HSD17B12: variants seen among roughly 807,000 people sequenced by gnomAD.
HSD17B12 encodes the protein hydroxysteroid 17-beta dehydrogenase 12.
In HSD17B12, 32 loss-of-function variants were observed where a neutral mutation model predicts 39.3. The ratio of observed to expected loss-of-function variants is 0.81; its 90% CI spans 0.61 to 1.09. The LOEUF (loss-of-function observed/expected upper bound fraction) is 1.09, where lower values mean the gene tolerates loss of function less well. Ranked by LOEUF, HSD17B12 falls within the 50% of genes least tolerant of loss-of-function variation. The pLI is 0.00. For missense variants in HSD17B12, 342 were observed against 382.9 expected, an observed-to-expected ratio of 0.89 and a Z score of 0.89; for synonymous variants, 150 against 146.7, an observed-to-expected ratio of 1.02 and a Z score of -0.16.
At chr11:43,661,552 C>T in the HSD17B12 span, among the ~76,000 whole-genome samples, 2 of 152,106 alleles carry the variant, frequency 1.3e-5, no homozygotes, top group Non-Finnish European at 2.9e-5. Context: ...GTGGTTCACT[C>T]CTGTAATCCC....
At chr11:43,706,720 GTTGT>G (rs1950019090) in intron 1 of HSD17B12, among the ~76,000 whole-genome samples, 2 of 149,728 alleles carry the variant, frequency 1.3e-5, no homozygotes, top group African/African-American at 5.0e-5. Flanking sequence ...GTGTGTGTGT[GTTGT>G]GGGGGGTGGG....
At position 43,687,198 on chromosome 11, in the gene HSD17B12, C is replaced by T. The variant is rs1423505191; in HGVS notation, c.160+6211C>T. 4.6e-5 allele frequency among the ~76,000 whole-genome samples: 7 copies of T among 152,230 alleles called. No individual in the cohort carries two copies. In the East Asian group the frequency reaches 1.4e-3, roughly 29 times the overall value. On this transcript the variant is annotated intron_variant, in intron 1 of 10. Transcript: ENST00000278353. The stretch of plus-strand genomic sequence containing the variant: ...TCCCTTCTTGTCACTCTTAGCAAAA[C>T]AACATGTAGCAATTCATATGCATGT...
chr11:43,575,220 T>C, the HSD17B12 span, among the ~76,000 whole-genome samples: 2 of 152,198 alleles, frequency 1.3e-5, no homozygotes, highest in African/African-American at 2.4e-5. The surrounding 1 kb of genome is among the most constrained non-coding windows in gnomAD (Gnocchi z 4.1). Flanking sequence ...GGAAGCTGTA[T>C]AACTGGCTGA....
At chr11:43,810,032 T>C (rs1951055429) in intron 4 of HSD17B12, among the ~76,000 whole-genome samples, 2 of 152,154 alleles carry the variant, frequency 1.3e-5, no homozygotes, top group African/African-American at 4.8e-5. Flanking sequence ...TTAAACCACC[T>C]TAATTTCCTA....
At chr11:43,796,501 G>C (rs1367884742) in intron 3 of HSD17B12, among the ~76,000 whole-genome samples, 1 of 152,210 alleles carries the variant, frequency 6.6e-6, no homozygotes, top group East Asian at 1.9e-4. Flanking sequence ...TGTACCAGAA[G>C]CCATTTGCTT....
chr11:43,764,169 C>G (rs556419716), intron 3 of HSD17B12, among the ~76,000 whole-genome samples: 1 of 152,186 alleles, frequency 6.6e-6, no homozygotes, highest in East Asian at 1.9e-4. Context: ...AACTTGGATT[C>G]TTATATAACT....
intron 3 of HSD17B12, among the ~76,000 whole-genome samples, chr11:43,791,685 A>G (rs1950869532): frequency 6.6e-6 from 1 of 152,236 alleles, no homozygotes; most frequent in South Asian, 2.1e-4. Context: ...GGTTTGTACA[A>G]GAGTCTACAA....
At chr11:43,714,091 G>A (rs922960300) in intron 1 of HSD17B12, among the ~76,000 whole-genome samples, 5 of 152,106 alleles carry the variant, frequency 3.3e-5, no homozygotes, top group Non-Finnish European at 5.9e-5. Flanking sequence ...CACTCTGATG[G>A]TAGTTTCTTT....
chr11:43,595,519 G>A, the HSD17B12 span, among the ~76,000 whole-genome samples: 1 of 152,214 alleles, frequency 6.6e-6, no homozygotes, highest in Admixed American at 6.5e-5. Context: ...TGGACGACTA[G>A]TCAGTGTTAG....
chr11:43,577,165 G>C, the HSD17B12 span, among the ~76,000 whole-genome samples: 2 of 152,242 alleles, frequency 1.3e-5, no homozygotes, highest in South Asian at 4.1e-4. Context: ...GTCCACGGAA[G>C]ATAGGTGCTG....
At chr11:43,681,337 G>C (rs981331787) in intron 1 of HSD17B12, 2 of 222,746 alleles carry the variant, frequency 9.0e-6, no homozygotes, top group African/African-American at 4.6e-5. Context: ...GTCACACGCT[G>C]TCCTCCTTGG....
the HSD17B12 span, among the ~76,000 whole-genome samples, chr11:43,657,370 G>A: frequency 6.6e-6 from 1 of 152,202 alleles, no homozygotes; most frequent in South Asian, 2.1e-4. Flanking sequence ...GCCAGTCTGT[G>A]CCTTTTAATT....
rs186601099 is a variant in HSD17B12 at position 43,769,697 on chromosome 11, G to A, written c.283+15576G>A. 2.0e-5 allele frequency among the ~76,000 whole-genome samples: 3 copies of A among 152,304 alleles called. No homozygotes were observed. The East Asian group carries it at 5.8e-4, about 29-fold the overall frequency. On this transcript the variant is annotated intron_variant, in intron 3 of 10. Coordinates refer to ENST00000278353, the MANE Select transcript of HSD17B12 (RefSeq NM_016142.3). ...ATTTCTGAAGTGAAGAAATAGAATG[G>A]AGGATGCTGCTGTCACTACCCATTT...
At chr11:43,678,668 C>A (rs568269739), upstream of HSD17B12, among the ~76,000 whole-genome samples, 1 of 152,228 alleles carries the variant, frequency 6.6e-6, no homozygotes, top group African/African-American at 2.4e-5. Context: ...GCCAGTTTTC[C>A]CAGCACCATT....
chr11:43,649,110 G>C, the HSD17B12 span, among the ~76,000 whole-genome samples: 727 of 150,844 alleles, frequency 4.8e-3, 5 homozygotes, highest in African/African-American at 0.017. Context: ...GCCAACTTGT[G>C]TCTTTTTTTT....
At chr11:43,573,101 G>A in the HSD17B12 span, among the ~76,000 whole-genome samples, 1 of 152,196 alleles carries the variant, frequency 6.6e-6, no homozygotes. Context: ...AGCATTGGGG[G>A]AACGAGTCCT....
intron 7 of HSD17B12, chr11:43,837,904 A>T (rs1484586837): frequency 6.1e-6 from 1 of 165,072 alleles, no homozygotes; most frequent in Non-Finnish European, 1.3e-5. Context: ...GAATGTTTAT[A>T]TACATAGAAT....
intron 1 of HSD17B12, among the ~76,000 whole-genome samples, chr11:43,750,705 T>C (rs1437681783): frequency 6.6e-6 from 1 of 152,226 alleles, no homozygotes; most frequent in African/African-American, 2.4e-5. Flanking sequence ...TGCTCCACAT[T>C]CTTTTTAACA....
chr11:43,720,486 G>A (rs1408267781), intron 1 of HSD17B12, among the ~76,000 whole-genome samples: 1 of 152,164 alleles, frequency 6.6e-6, no homozygotes, highest in Non-Finnish European at 1.5e-5. Flanking sequence ...TTTTCTCATG[G>A]TTCTTCTGGC....
Sources: gnomAD v4.1 joint callset for allele counts (sites outside exome capture counted in the v4.1 genomes callset) on GRCh38, gnomAD v4.1.1 for gene constraint, Gnocchi (gnomAD v3.1) non-coding constraint, MANE v1.5 for transcripts, NCBI Gene and HGNC (gene_info 2026-07-23, HGNC 2026-07-21) for gene names.